The following SOX5 variants were observed in gnomAD, a reference collection of about 807,000 sequenced individuals.
SOX5 encodes transcription factor SOX-5.
Under a neutral mutation model 92.0 loss-of-function variants are expected in SOX5, and 9 were observed. The observed-to-expected ratio is 0.10, with a 90% CI of 0.06 to 0.17. The LOEUF (loss-of-function observed/expected upper bound fraction) is 0.17. Among genes scored for constraint, SOX5 ranks in the 10% least tolerant of loss-of-function variants. The pLI is 1.00. For missense variants in SOX5, 642 were observed against 944.5 expected, an observed-to-expected ratio of 0.68 and a Z score of 4.20; for synonymous variants, 344 against 336.3, an observed-to-expected ratio of 1.02 and a Z score of -0.25.
chr12:24,461,308 G>A (rs954734814), intron 1 of SOX5, among the ~76,000 whole-genome samples: 1 of 152,118 alleles, frequency 6.6e-6, no homozygotes, highest in Non-Finnish European at 1.5e-5. Flanking sequence ...TGAACACAGT[G>A]AATTTGGATG....
At chr12:24,362,163 T>A (rs1431617176) in intron 2 of SOX5, among the ~76,000 whole-genome samples, 1 of 152,214 alleles carries the variant, frequency 6.6e-6, no homozygotes, top group Non-Finnish European at 1.5e-5. Flanking sequence ...GATATGTGCA[T>A]ATGTATATTC....
At chr12:23,570,241 T>G (rs1947911093) in intron 10 of SOX5, among the ~76,000 whole-genome samples, 1 of 152,208 alleles carries the variant, frequency 6.6e-6, no homozygotes, top group Non-Finnish European at 1.5e-5. Context: ...ATTACATTTT[T>G]GACACCCTGA....
chr12:23,961,989 T>A (rs1334854393), intron 4 of SOX5, among the ~76,000 whole-genome samples: 1 of 152,162 alleles, frequency 6.6e-6, no homozygotes, highest in Admixed American at 6.5e-5. Context: ...TTAACAGAAG[T>A]TTGGAAATTG....
chr12:24,116,495 C>T (rs188503967), intron 4 of SOX5, among the ~76,000 whole-genome samples: 18 of 152,102 alleles, frequency 1.2e-4, no homozygotes, highest in Non-Finnish European at 2.5e-4. Context: ...ATAACCTTCC[C>T]GGAGTAGTCT....
chr12:24,420,348 G>A (rs1297107267), intron 1 of SOX5, among the ~76,000 whole-genome samples: 1 of 152,092 alleles, frequency 6.6e-6, no homozygotes, highest in Non-Finnish European at 1.5e-5. Context: ...CAGTACACGC[G>A]AAGCTATCAA....
Position 24,296,467 on chromosome 12 carries a change from G to A in SOX5, c.-173-19155C>T, listed in dbSNP as rs562123507. Among the ~76,000 whole-genome samples, 39 of 152,256 alleles carry A rather than the reference G, an allele frequency of 2.6e-4. No individual in the cohort carries two copies. The South Asian group carries it at 7.9e-3, about 31-fold the overall frequency. ...AGAACTCCGAATAGATCTAGCCATG[G>A]TTCACAAAAATCAGGTCCTAAGACC... is the stretch of plus-strand genomic sequence containing the variant. On this transcript the variant is annotated intron_variant, in intron 2 of 4. Transcript: ENST00000446891.
At chr12:24,426,674 G>C (rs979387808) in intron 1 of SOX5, among the ~76,000 whole-genome samples, 3 of 152,144 alleles carry the variant, frequency 2.0e-5, no homozygotes, top group Non-Finnish European at 4.4e-5. Flanking sequence ...TTTTCTTCCA[G>C]AATTTCATAT....
intron 4 of SOX5, among the ~76,000 whole-genome samples, chr12:24,003,177 T>A (rs1951791404): frequency 6.6e-6 from 1 of 152,074 alleles, no homozygotes; most frequent in South Asian, 2.1e-4. Flanking sequence ...AAAGAACATC[T>A]GTAAAATGAA....
intron 1 of SOX5, among the ~76,000 whole-genome samples, chr12:24,465,812 G>A (rs73289633): frequency 0.041 from 6,164 of 152,182 alleles, 178 homozygotes; most frequent in African/African-American, 0.078. Context: ...AATCATTCAT[G>A]GTCCACCATC....
intron 8 of SOX5, among the ~76,000 whole-genome samples, chr12:23,636,941 A>T (rs1417910997): frequency 6.6e-6 from 1 of 152,216 alleles, no homozygotes; most frequent in Non-Finnish European, 1.5e-5. Flanking sequence ...ATTAATACAT[A>T]ACACAAAACG....
chr12:24,182,434 T>C (rs1028979393), intron 4 of SOX5, among the ~76,000 whole-genome samples: 2 of 152,166 alleles, frequency 1.3e-5, no homozygotes, highest in Non-Finnish European at 2.9e-5. Context: ...TAAAGCAAAA[T>C]GATTTGTAGG....
rs190727935 is a variant in SOX5, at chr12:24,321,045, T to C, written c.-173-43733A>G. The stretch of plus-strand genomic sequence containing the variant: ...TTAGCCTTTTCTTCTGTCAGTGTTG[T>C]GCTAAGGCATCCACATTTCCTTTCC... On this transcript the variant is annotated intron_variant, in intron 2 of 4. Coordinates refer to the SOX5 transcript ENST00000446891. Among the ~76,000 whole-genome samples the C allele has an allele frequency of 1.1e-4, 16 of 152,282 alleles. No homozygotes were observed. In the East Asian group the frequency reaches 3.1e-3, roughly 29 times the overall value.
At chr12:24,099,413 C>T (rs1945809348) in intron 4 of SOX5, among the ~76,000 whole-genome samples, 1 of 152,176 alleles carries the variant, frequency 6.6e-6, no homozygotes, top group Non-Finnish European at 1.5e-5. Context: ...AAAGCTTCAG[C>T]AGATCATACA....
chr12:24,176,436 G>A (rs1385084309), intron 4 of SOX5, among the ~76,000 whole-genome samples: 1 of 152,148 alleles, frequency 6.6e-6, no homozygotes, highest in East Asian at 1.9e-4. Context: ...TTTCAAAGAT[G>A]AGTAGAGAAA....
chr12:24,099,174 C>T (rs1227065305), intron 4 of SOX5, among the ~76,000 whole-genome samples: 2 of 152,134 alleles, frequency 1.3e-5, no homozygotes, highest in Admixed American at 6.6e-5. Context: ...TAATAATCCA[C>T]CTTCCAGTTG....
At chr12:24,170,776 C>G (rs1953994775) in intron 4 of SOX5, among the ~76,000 whole-genome samples, 1 of 152,184 alleles carries the variant, frequency 6.6e-6, no homozygotes, top group Non-Finnish European at 1.5e-5. Flanking sequence ...GTAGTGTAGT[C>G]AAAGTGAAGC....
At chr12:23,942,747 T>A (rs574664833) in intron 1 of SOX5, among the ~76,000 whole-genome samples, 1 of 151,782 alleles carries the variant, frequency 6.6e-6, no homozygotes, top group South Asian at 2.1e-4. Context: ...GGTTGGTCAA[T>A]GTGACAGAAT....
At chr12:24,209,141 A>C (rs181049940) in intron 4 of SOX5, among the ~76,000 whole-genome samples, 66 of 152,332 alleles carry the variant, frequency 4.3e-4, no homozygotes, top group Admixed American at 1.6e-3. Flanking sequence ...CTAGTAATGC[A>C]GAAGAAGTTG....
At chr12:24,342,625 T>A (rs554430945) in intron 2 of SOX5, among the ~76,000 whole-genome samples, 8 of 152,328 alleles carry the variant, frequency 5.3e-5, no homozygotes, top group Admixed American at 5.2e-4. Flanking sequence ...ATCTTCCTTA[T>A]TATCTATTCC....
Sources: gnomAD v4.1 joint callset for allele counts (sites outside exome capture counted in the v4.1 genomes callset) on GRCh38, gnomAD v4.1.1 for gene constraint, MANE v1.5 for transcripts, NCBI Gene and HGNC (gene_info 2026-07-23, HGNC 2026-07-21) for gene names.